The following USP45 variants were observed in gnomAD, a reference collection of about 807,000 sequenced individuals.
USP45 encodes the protein ubiquitin specific peptidase 45.
Under a neutral mutation model 95.8 loss-of-function variants are expected in USP45, and 89 were observed. The ratio of observed to expected loss-of-function variants is 0.93; its 90% confidence interval spans 0.78 to 1.11. The LOEUF is 1.11. USP45 is among the 50% of genes least tolerant of loss of function. The probability of loss-of-function intolerance (pLI) is 0.00; values close to 1 mark genes in which losing one functional copy is unlikely to be tolerated. For missense variants in USP45, 898 were observed against 942.5 expected, an observed-to-expected ratio of 0.95 and a Z score of 0.62; for synonymous variants, 281 against 316.2, an observed-to-expected ratio of 0.89 and a Z score of 1.18.
chr6:99,462,697 A>G, intron 13 of USP45: 1 of 985,842 alleles, frequency 1.0e-6, no homozygotes, highest in African/African-American at 1.7e-5. Context: ...AGTTAAATTC[A>G]GGCCCAGCGC....
intron 14 of USP45, among the ~76,000 whole-genome samples, chr6:99,445,247 G>A (rs1270019797): frequency 6.6e-6 from 1 of 152,146 alleles, no homozygotes; most frequent in African/African-American, 2.4e-5. Context: ...CACTTTGGGA[G>A]GCCAAGGCGG....
At chr6:99,469,500 T>G (rs1419684485) in intron 9 of USP45, among the ~76,000 whole-genome samples, 2 of 106,846 alleles carry the variant, frequency 1.9e-5, no homozygotes, top group African/African-American at 3.5e-5. Flanking sequence ...TTTTTTTTTT[T>G]GAGAGTCTTG....
At chr6:99,479,233 T>A (rs933132929) in intron 8 of USP45, among the ~76,000 whole-genome samples, 2 of 152,030 alleles carry the variant, frequency 1.3e-5, no homozygotes, top group African/African-American at 4.8e-5. Flanking sequence ...TAGTATATTT[T>A]ATTTTTTAGA....
chr6:99,497,959 G>A (rs138323260), intron 5 of USP45, among the ~76,000 whole-genome samples: 116 of 152,190 alleles, frequency 7.6e-4, no homozygotes, highest in Non-Finnish European at 1.4e-3. Flanking sequence ...CAACTAAGTC[G>A]GATTATTCTT....
intron 13 of USP45, among the ~76,000 whole-genome samples, chr6:99,458,773 G>A (rs1333462899): frequency 6.6e-6 from 1 of 152,192 alleles, no homozygotes; most frequent in Non-Finnish European, 1.5e-5. Context: ...AGAGAAATAT[G>A]CAGAAATTGA....
intron 5 of USP45, among the ~76,000 whole-genome samples, chr6:99,500,489 T>C (rs1240675872): frequency 2.0e-5 from 3 of 152,144 alleles, no homozygotes; most frequent in East Asian, 1.9e-4. Flanking sequence ...ATAATACTTA[T>C]TCAAGAAATC....
intron 4 of USP45, among the ~76,000 whole-genome samples, chr6:99,506,489 C>T (rs919828635): frequency 6.6e-6 from 1 of 152,000 alleles, no homozygotes; most frequent in Non-Finnish European, 1.5e-5. Flanking sequence ...TTGTATCTTT[C>T]GTAGAGACGG....
At chr6:99,514,167 G>A (rs1353299507) in intron 1 of USP45, among the ~76,000 whole-genome samples, 2 of 152,184 alleles carry the variant, frequency 1.3e-5, no homozygotes, top group Admixed American at 1.3e-4. Flanking sequence ...ACACAATGCA[G>A]TATGGATATA....
intron 14 of USP45, among the ~76,000 whole-genome samples, chr6:99,445,298 G>C (rs574370805): frequency 6.6e-6 from 1 of 151,958 alleles, no homozygotes; most frequent in South Asian, 2.1e-4. Flanking sequence ...GCCTGGCCAA[G>C]ATGGTGAAAC....
chr6:99,466,591 T>C, intron 11 of USP45, 81 bp downstream of exon 11: 1 of 1,205,008 alleles, frequency 8.3e-7, no homozygotes, highest in Non-Finnish European at 1.2e-6. Context: ...TGACTGCCAA[T>C]GATTATATGT....
chr6:99,434,974 G>A lies in USP45; in HGVS notation c.*742C>T, dbSNP rs1780235492. The A allele has an allele frequency of 6.6e-6, 1 of 152,398 alleles. No homozygotes were observed. Among genetic ancestry groups the A allele is most frequent in the Non-Finnish European group, 1.5e-5 (1 of 68,000 alleles). The allele number at this position is 152,398 out of a possible 1,614,324, so 9.4% of individuals were successfully genotyped here. A position where few individuals can be genotyped will look rare whatever the true frequency, so the allele number is the denominator to read the frequency against. On this transcript the variant is annotated 3_prime_UTR_variant, in exon 18 of 18. Coordinates refer to ENST00000500704, the MANE Select transcript of USP45 (RefSeq NM_001346022.3). Reference sequence around the variant, plus strand: ...AATTCTAGTTTTTCAAAACCTCAAGGTAATAAGCTAACCAGCAGATTATTT... The same window carrying A: ...AATTCTAGTTTTTCAAAACCTCAAGATAATAAGCTAACCAGCAGATTATTT...
At chr6:99,507,302 G>A in intron 4 of USP45, 126 bp downstream of exon 4, 1 of 523,290 alleles carries the variant, frequency 1.9e-6, no homozygotes, top group Non-Finnish European at 3.4e-6. Flanking sequence ...CCCATAGATT[G>A]TGTTCAGGTT....
At chr6:99,447,835 T>C (rs2128557810) in intron 13 of USP45, among the ~76,000 whole-genome samples, 1 of 152,290 alleles carries the variant, frequency 6.6e-6, no homozygotes, top group South Asian at 2.1e-4. Context: ...CGGGTACCCA[T>C]CTGAGACAAA....
intron 13 of USP45, chr6:99,462,470 A>G (rs1786703546): frequency 1.0e-6 from 1 of 983,364 alleles, no homozygotes; most frequent in South Asian, 4.7e-5. Flanking sequence ...ATATTTTAAT[A>G]ACCAGTGCTT....
intron 7 of USP45, among the ~76,000 whole-genome samples, chr6:99,485,792 T>C (rs1793733945): frequency 6.6e-6 from 1 of 152,196 alleles, no homozygotes; most frequent in African/African-American, 2.4e-5. Flanking sequence ...ATATCATAAC[T>C]GGGGTTTGTA....
intron 5 of USP45, among the ~76,000 whole-genome samples, chr6:99,494,792 G>T (rs1795942792): frequency 1.3e-5 from 2 of 152,176 alleles, no homozygotes; most frequent in South Asian, 4.1e-4. Context: ...TACTCAGGAG[G>T]CTGAGGCAGG....
rs1427477818 is a variant in USP45 at position 99,433,244 on chromosome 6, T to G, written c.*2472A>C. The G allele has an allele frequency of 6.5e-6, 1 of 152,684 alleles. No homozygotes were observed. Among genetic ancestry groups the G allele is most frequent in the African/African-American group, 2.4e-5 (1 of 41,464 alleles). 9.5% of individuals were successfully genotyped at this position (152,684 alleles called of 1,614,324 possible). On this transcript the variant is annotated 3_prime_UTR_variant, in exon 18 of 18. Coordinates refer to ENST00000500704, the MANE Select transcript of USP45 (RefSeq NM_001346022.3). ...CAATATTGGCACATAATCAATATTTTATCATTTTATATTTGGAAAAAAACG... is the reference window on the plus strand; with the variant it reads ...CAATATTGGCACATAATCAATATTTGATCATTTTATATTTGGAAAAAAACG...
At chr6:99,504,578 T>C (rs1798098851) in intron 4 of USP45, among the ~76,000 whole-genome samples, 1 of 152,182 alleles carries the variant, frequency 6.6e-6, no homozygotes, top group South Asian at 2.1e-4. Context: ...TATACATATT[T>C]GCAGGTAGAA....
chr6:99,503,445 T>C (rs1352635404), intron 5 of USP45, among the ~76,000 whole-genome samples: 5 of 151,882 alleles, frequency 3.3e-5, no homozygotes, highest in African/African-American at 9.7e-5. Flanking sequence ...GATTCTCCTG[T>C]CTCAGCCTCC....
Sources: gnomAD v4.1 joint callset for allele counts (sites outside exome capture counted in the v4.1 genomes callset) on GRCh38, gnomAD v4.1.1 for gene constraint, MANE v1.5 for transcripts, NCBI Gene and HGNC (gene_info 2026-07-23, HGNC 2026-07-21) for gene names.